Variants in RFX3 observed in about 807,000 individuals in gnomAD.
The protein encoded by RFX3 is regulatory factor X3, also known as transcription factor RFX3.
In RFX3, 14 loss-of-function variants were observed where a neutral mutation model predicts 98.6. That is an observed-to-expected ratio of 0.14 (90% CI 0.09 to 0.22). The LOEUF (loss-of-function observed/expected upper bound fraction) is 0.22. Ranked by LOEUF, RFX3 falls within the 10% of genes least tolerant of loss-of-function variation. The pLI, the probability that RFX3 is intolerant of heterozygous loss-of-function variation, is 1.00. For synonymous variants in RFX3, 383 were observed against 328.4 expected, an observed-to-expected ratio of 1.17 and a Z score of -1.80; for missense variants, 639 against 926.9, an observed-to-expected ratio of 0.69 and a Z score of 4.03.
intron 1 of RFX3, among the ~76,000 whole-genome samples, chr9:3,465,564 A>G (rs1463602467): frequency 2.0e-5 from 3 of 150,382 alleles, no homozygotes; most frequent in Non-Finnish European, 4.4e-5. Flanking sequence ...TCAGCCTCCC[A>G]AAGTACTGAG....
rs1022768045 is a variant in RFX3 at position 3,455,777 on chromosome 9, T to G, written c.-8-60181A>C. ...TTCAAAATATTTTTTATAATAAAGTTCCCAGATACTTCTTAAAACCTGGAA... is the reference window on the plus strand; with the variant it reads ...TTCAAAATATTTTTTATAATAAAGTGCCCAGATACTTCTTAAAACCTGGAA... On this transcript the variant is annotated intron_variant, in intron 1 of 16. Coordinates refer to ENST00000617270, the MANE Select transcript of RFX3 (RefSeq NM_001282116.2). Among the ~76,000 whole-genome samples, 3 of 152,342 alleles carry G rather than the reference T, an allele frequency of 2.0e-5. No homozygotes were observed. The East Asian group carries it at 5.8e-4, about 29-fold the overall frequency.
chr9:3,257,144 G>A lies in RFX3; in HGVS notation c.1661C>T (p.Thr554Ile). 6.2e-7 allele frequency: 1 copy of A among 1,613,996 alleles called. No homozygotes were observed. Among genetic ancestry groups the A allele is most frequent in the Non-Finnish European group, 8.5e-7 (1 of 1,179,984 alleles). Reference sequence around the variant, plus strand: ...CTGCTGAAGAGTCATCTTGAAGTCTGTTTCTAGTCTCTGAACCATGTTGTC... The same window carrying A: ...CTGCTGAAGAGTCATCTTGAAGTCTATTTCTAGTCTCTGAACCATGTTGTC... Reference protein sequence around the residue: ...CDDNMVQRLETDFKMTLQQQS... With the variant: ...CDDNMVQRLEIDFKMTLQQQS... Residue 554 changes from threonine (T) to isoleucine (I), a missense_variant, in exon 14 of 17, where the codon ACA becomes ATA. This residue lies in a region of RFX3 where 138 missense variants were observed against 308.9 expected (regional missense o/e 0.45). Transcript: ENST00000617270.
chr9:3,273,813 C>G (rs957308340), intron 9 of RFX3, among the ~76,000 whole-genome samples: 3 of 147,630 alleles, frequency 2.0e-5, no homozygotes, highest in Non-Finnish European at 4.4e-5. Context: ...TGCAGTGAGC[C>G]GAGATCGCAC....
intron 4 of RFX3, among the ~76,000 whole-genome samples, chr9:3,323,571 T>G (rs1450973847): frequency 1.3e-5 from 2 of 152,186 alleles, no homozygotes; most frequent in African/African-American, 4.8e-5. Context: ...TACAGGTTAC[T>G]TTAATATTTA....
Position 3,334,147 on chromosome 9 carries a change from A to G in RFX3, c.216-3630T>C, listed in dbSNP as rs532962136. Among the ~76,000 whole-genome samples the G allele has an allele frequency of 1.1e-4, 17 of 152,314 alleles. 1 individual carries two copies. In the South Asian group the frequency reaches 1.9e-3, roughly 17 times the overall value. ...CTGTCAATGATATATGTTAACAACT[A>G]CTAAGGAACAGCTTAACAAGTGGAA... On this transcript the variant is annotated intron_variant, in intron 3 of 16. Transcript: ENST00000617270.
intron 2 of RFX3, chr9:3,364,601 A>G: frequency 6.0e-6 from 1 of 165,716 alleles, no homozygotes; most frequent in South Asian, 1.5e-4. Context: ...CAACCAAGAG[A>G]TTGACCAATC....
chr9:3,469,739 C>T (rs1848606627), intron 1 of RFX3, among the ~76,000 whole-genome samples: 1 of 151,328 alleles, frequency 6.6e-6, no homozygotes, highest in African/African-American at 2.4e-5. Context: ...AAAAACAGGA[C>T]ATATGACCCA....
chr9:3,368,460 G>C (rs931530975), intron 2 of RFX3, among the ~76,000 whole-genome samples: 1 of 152,020 alleles, frequency 6.6e-6, no homozygotes, highest in African/African-American at 2.4e-5. Flanking sequence ...ATTTCAAGAG[G>C]ACTGAGAACA....
intron 2 of RFX3, among the ~76,000 whole-genome samples, chr9:3,367,973 A>T (rs1364675337): frequency 2.6e-5 from 4 of 152,220 alleles, no homozygotes; most frequent in African/African-American, 9.6e-5. Context: ...TATATAAGAT[A>T]ACCAGAGCTA....
intron 1 of RFX3, chr9:3,488,828 G>A: frequency 2.0e-6 from 2 of 984,864 alleles, no homozygotes; most frequent in South Asian, 9.4e-5. Flanking sequence ...TTTCTCTTGA[G>A]CTTTGTCTCT....
intron 1 of RFX3, among the ~76,000 whole-genome samples, chr9:3,450,208 C>T (rs1016654238): frequency 1.3e-5 from 2 of 152,008 alleles, no homozygotes; most frequent in South Asian, 2.1e-4. Context: ...CAAATAAATC[C>T]CTTTAAAACC....
chr9:3,330,401 C>A lies in RFX3; in HGVS notation c.332G>T (p.Ser111Ile). ...CTGAATCCCACCAGTGCCCACCATA[C>A]TGTGGGATGAGACCACGGTAGTCAC... ...AQVTTVVSSH[S>I]MVGTGGIQMG... The change falls in exon 4 of 17, where the codon AGT becomes ATT. Residue 111 changes from serine to isoleucine, a missense_variant. Around this residue, in one of 9 missense-constraint regions of RFX3, gnomAD observed 210 missense variants for 197.7 expected, o/e 1.06. Transcript: ENST00000617270. 1 of 1,614,168 alleles carries A rather than the reference C, an allele frequency of 6.2e-7. No individual in the cohort carries two copies. Among genetic ancestry groups the A allele is most frequent in the East Asian group, 2.2e-5 (1 of 44,880 alleles).
intron 15 of RFX3, among the ~76,000 whole-genome samples, chr9:3,241,168 A>T (rs540157753): frequency 5.3e-5 from 8 of 151,890 alleles, no homozygotes; most frequent in African/African-American, 1.7e-4. Flanking sequence ...TCTCTGAAAT[A>T]GTATTGACAG....
chr9:3,358,608 A>G (rs1010660129), intron 2 of RFX3, among the ~76,000 whole-genome samples: 6 of 152,166 alleles, frequency 3.9e-5, no homozygotes, highest in African/African-American at 1.2e-4. Flanking sequence ...GGAAGACCAA[A>G]TTAAATAGTG....
chr9:3,365,808 AC>A, intron 2 of RFX3, among the ~76,000 whole-genome samples: 1 of 151,940 alleles, frequency 6.6e-6, no homozygotes, highest in East Asian at 2.0e-4. Flanking sequence ...CCAACCCCCT[AC>A]CAATAATTTC....
Position 3,248,157 on chromosome 9 carries a change from G to A in RFX3, c.1843C>T (p.Arg615Cys). The A allele has an allele frequency of 6.2e-7, 1 of 1,612,854 alleles. No homozygotes were observed. Among genetic ancestry groups the A allele is most frequent in the Non-Finnish European group, 8.5e-7 (1 of 1,179,368 alleles). Residue 615 changes from arginine (R) to cysteine (C), a missense_variant, in exon 15 of 17, where the codon CGC (arginine) becomes TGC (cysteine). Around this residue, in one of 9 missense-constraint regions of RFX3, gnomAD observed 138 missense variants for 308.9 expected, o/e 0.45. Coordinates refer to ENST00000617270, the MANE Select transcript of RFX3 (RefSeq NM_001282116.2). ...SSMVIRDLTL[R>C]SAASFGSFHL... ...AAGGAGCCAAAGCTAGCAGCACTGC[G>A]TAAGGTTAAGTCCCGAATAACCATT...
chr9:3,321,252 G>GTATATATATATATATATATGTA (rs1831277693), intron 4 of RFX3, among the ~76,000 whole-genome samples: 1 of 152,072 alleles, frequency 6.6e-6, no homozygotes, highest in Non-Finnish European at 1.5e-5. Flanking sequence ...TAGTTTTTAT[G>GTATATATATATATATATATGTA]TAGCATTTCA....
chr9:3,408,624 ACACACACACACGCACGCACACATGGC>A (rs1468298653), intron 1 of RFX3, among the ~76,000 whole-genome samples: 4 of 151,092 alleles, frequency 2.6e-5, no homozygotes, highest in Admixed American at 6.6e-5. Context: ...ACACACACAC[ACACACACACACGCACGCACACATGGC>A]CACACACACA....
intron 7 of RFX3, among the ~76,000 whole-genome samples, chr9:3,286,628 T>C (rs1826642827): frequency 6.6e-6 from 1 of 151,908 alleles, no homozygotes; most frequent in Non-Finnish European, 1.5e-5. Flanking sequence ...AATCAAAGTT[T>C]CATTGTTTTG....
Sources: gnomAD v4.1 joint callset for allele counts (sites outside exome capture counted in the v4.1 genomes callset) on GRCh38, gnomAD v4.1.1 for gene constraint, gnomAD v4.1.1 regional missense constraint, MANE v1.5 for transcripts, NCBI Gene and HGNC (gene_info 2026-07-23, HGNC 2026-07-21) for gene names.